Variants in LMLN observed in about 807,000 individuals in gnomAD.
The protein encoded by LMLN is leishmanolysin-like peptidase.
Under a neutral mutation model 92.3 loss-of-function variants are expected in LMLN, and 70 were observed. The observed-to-expected ratio is 0.76, with a 90% CI of 0.63 to 0.92. The LOEUF is 0.92. LMLN is among the 40% of genes least tolerant of loss of function. The pLI is 0.00. For missense variants in LMLN, 691 were observed against 814.6 expected (o/e 0.85, Z 1.85); for synonymous variants, 308 against 296.2 (o/e 1.04, Z -0.41).
chr3:198,038,620 A>T, exon 16 of LMLN: 1 of 1,614,152 alleles, frequency 6.2e-7, no homozygotes, highest in Non-Finnish European at 8.5e-7. Context: ...TCTGCTAGGC[A>T]ATCTGTTTCC....
At chr3:198,038,929 C>T (rs1383170509) in exon 16 of LMLN, 1 of 360,448 alleles carries the variant, frequency 2.8e-6, no homozygotes, top group Non-Finnish European at 5.2e-6. Flanking sequence ...ACCTCGTCAG[C>T]AACCCAACCA....
intron 11 of LMLN, among the ~76,000 whole-genome samples, chr3:198,017,729 C>A (rs2109931494): frequency 6.6e-6 from 1 of 152,140 alleles, no homozygotes; most frequent in African/African-American, 2.4e-5. Flanking sequence ...CCATCCTGGC[C>A]AAGATGATGA....
exon 16 of LMLN, chr3:198,041,383 C>T (rs545939620): frequency 6.6e-6 from 1 of 152,272 alleles, no homozygotes; most frequent in Non-Finnish European, 1.5e-5. Flanking sequence ...ATTCCACATA[C>T]AAGTACTTAA....
intron 11 of LMLN, among the ~76,000 whole-genome samples, chr3:198,016,069 G>A (rs902294534): frequency 6.6e-6 from 1 of 151,560 alleles, no homozygotes; most frequent in African/African-American, 2.4e-5. Context: ...GCGTGGCCCT[G>A]TAGTCCCAGC....
rs571429317 is a variant in LMLN, at chr3:198,014,313, C to A, written c.1233-4940C>A. Among the ~76,000 whole-genome samples, 131 of 117,942 alleles carry A rather than the reference C, an allele frequency of 1.1e-3. 1 individual carries two copies. The highest frequency in any genetic ancestry group is 4.2e-3 in the African/African-American group (118 of 28,302). The allele number at this position is 117,942 out of a possible 152,430, so 77.4% of individuals were successfully genotyped here. A position where few individuals can be genotyped will look rare whatever the true frequency, so the allele number is the denominator to read the frequency against. ...TCCCCTAACTAGTCTGACTTCTCTCCACCCTTCAGAGCCCCCTAACTAGTC... is the reference window on the plus strand; with the variant it reads ...TCCCCTAACTAGTCTGACTTCTCTCAACCCTTCAGAGCCCCCTAACTAGTC... On this transcript the variant is annotated intron_variant, in intron 11 of 15. Transcript: ENST00000330198.
chr3:198,022,945 G>A (rs1164092666), intron 13 of LMLN, among the ~76,000 whole-genome samples: 2 of 152,162 alleles, frequency 1.3e-5, no homozygotes, highest in East Asian at 3.8e-4. Context: ...GCACAGATCT[G>A]TCAGTTATGG....
chr3:197,971,730 A>G (rs570032294), intron 1 of LMLN, among the ~76,000 whole-genome samples: 4 of 152,154 alleles, frequency 2.6e-5, no homozygotes, highest in Admixed American at 2.6e-4. Flanking sequence ...GATTACAGGC[A>G]TGAACCACCA....
intron 10 of LMLN, 84 bp from the exon 11 acceptor site, chr3:197,999,182 T>G (rs766718497): frequency 1.8e-5 from 17 of 945,042 alleles, no homozygotes; most frequent in Non-Finnish European, 2.4e-5. Context: ...TGAAACATTT[T>G]AAATATGTAT....
At chr3:198,037,061 G>A (rs1242369158) in intron 15 of LMLN, among the ~76,000 whole-genome samples, 1 of 152,148 alleles carries the variant, frequency 6.6e-6, no homozygotes, top group Middle Eastern at 3.2e-3. Context: ...GATGAGTTTT[G>A]GAAGATGAGT....
intron 14 of LMLN, among the ~76,000 whole-genome samples, chr3:198,029,889 G>T (rs1342788088): frequency 3.3e-5 from 5 of 151,820 alleles, no homozygotes. Flanking sequence ...TCCCAGGCTG[G>T]AGTGCAGGTG....
At chr3:197,978,544 G>A (rs960485265) in intron 5 of LMLN, among the ~76,000 whole-genome samples, 7 of 152,150 alleles carry the variant, frequency 4.6e-5, no homozygotes, top group Admixed American at 4.6e-4. Flanking sequence ...GGCTGTGGTG[G>A]GAGGATTGCC....
At chr3:197,964,865 G>T (rs1442274729) in intron 1 of LMLN, among the ~76,000 whole-genome samples, 1 of 151,958 alleles carries the variant, frequency 6.6e-6, no homozygotes, top group Non-Finnish European at 1.5e-5. Flanking sequence ...AAATTAACCA[G>T]GTATGGTGGC....
chr3:197,967,035 G>A (rs1247486210), intron 1 of LMLN, among the ~76,000 whole-genome samples: 1 of 152,130 alleles, frequency 6.6e-6, no homozygotes, highest in African/African-American at 2.4e-5. Flanking sequence ...GGCCCAAGGA[G>A]TCTTCCTACC....
intron 11 of LMLN, chr3:197,999,604 C>G (rs78075932): frequency 0.056 from 22,317 of 399,936 alleles, 781 homozygotes; most frequent in African/African-American, 0.099. Flanking sequence ...TCTGGACTCA[C>G]TAATCCTGGA....
At chr3:198,038,795 T>G (rs1297440033) in exon 16 of LMLN, 3 of 729,252 alleles carry the variant, frequency 4.1e-6, no homozygotes, top group Non-Finnish European at 7.2e-6. Context: ...TTGGAAGAAT[T>G]GACGACCATC....
At chr3:198,013,395 T>C (rs373931225) in intron 11 of LMLN, among the ~76,000 whole-genome samples, 3,542 of 24,322 alleles carry the variant, frequency 0.15, 1 homozygote, top group Non-Finnish European at 0.16. Context: ...CTCCACCCTT[T>C]AGAGCCCCCT....
chr3:197,982,979 G>C (rs893993568), intron 6 of LMLN, among the ~76,000 whole-genome samples: 8 of 152,172 alleles, frequency 5.3e-5, no homozygotes, highest in African/African-American at 1.9e-4. Context: ...AGGCAGACAG[G>C]ATTGTTTTCT....
At chr3:197,968,733 A>G (rs988336301) in intron 1 of LMLN, among the ~76,000 whole-genome samples, 5 of 152,162 alleles carry the variant, frequency 3.3e-5, no homozygotes, top group Admixed American at 6.5e-5. Context: ...ATGAGTTGGG[A>G]CATGTCCCAT....
chr3:198,016,206 A>C (rs961784767), intron 11 of LMLN, among the ~76,000 whole-genome samples: 4 of 151,538 alleles, frequency 2.6e-5, no homozygotes, highest in Non-Finnish European at 5.9e-5. Flanking sequence ...AAAAAAAAAA[A>C]AAAAAAAGGA....
Sources: allele counts gnomAD v4.1 joint callset (sites outside exome capture counted in the v4.1 genomes callset), GRCh38; gene constraint gnomAD v4.1.1; transcripts MANE v1.5; gene names NCBI Gene and HGNC (gene_info 2026-07-23, HGNC 2026-07-21).